Variants in TCF7L1 observed in about 807,000 individuals in gnomAD.
The protein encoded by TCF7L1 is transcription factor 7-like 1.
Under a neutral mutation model 63.7 loss-of-function variants are expected in TCF7L1, and 18 were observed. The observed-to-expected ratio is 0.28, with a 90% CI of 0.20 to 0.42. TCF7L1 has a LOEUF of 0.42. Ranked by LOEUF, TCF7L1 falls within the 10% of genes least tolerant of loss-of-function variation. The probability of loss-of-function intolerance (pLI) is 1.00; values close to 1 mark genes in which losing one functional copy is unlikely to be tolerated. For synonymous variants in TCF7L1, 355 were observed against 340.9 expected (o/e 1.04, Z -0.46); for missense variants, 654 against 779.3 (o/e 0.84, Z 1.91).
intron 3 of TCF7L1, among the ~76,000 whole-genome samples, chr2:85,187,975 A>C (rs1303323844): frequency 2.0e-5 from 3 of 152,220 alleles, no homozygotes; most frequent in Non-Finnish European, 4.4e-5. Flanking sequence ...TATTGATCAC[A>C]TGCAACAATA....
intron 3 of TCF7L1, among the ~76,000 whole-genome samples, chr2:85,192,596 T>A (rs953507909): frequency 2.6e-5 from 4 of 152,068 alleles, no homozygotes; most frequent in Admixed American, 6.6e-5. Context: ...TTGTTCAGGC[T>A]GGTCTCGAAC....
chr2:85,215,757 G>A (rs1679686028), intron 3 of TCF7L1, among the ~76,000 whole-genome samples: 1 of 147,724 alleles, frequency 6.8e-6, no homozygotes, highest in Non-Finnish European at 1.5e-5. Flanking sequence ...CAAGGCTGCT[G>A]GGGTGGGGGT....
intron 3 of TCF7L1, among the ~76,000 whole-genome samples, chr2:85,139,166 G>C (rs189386223): frequency 6.6e-6 from 1 of 152,018 alleles, no homozygotes; most frequent in Non-Finnish European, 1.5e-5. Flanking sequence ...GTGCCACCAC[G>C]CCCAGCCAAT....
rs147558077 is a variant in TCF7L1 at position 85,244,186 on chromosome 2, G to T, written c.442-39309G>T. Among the ~76,000 whole-genome samples, 74 of 152,254 alleles carry T rather than the reference G, an allele frequency of 4.9e-4. 1 individual carries two copies. The highest frequency in any genetic ancestry group is 3.4e-3 in the Middle Eastern group (1 of 294). On this transcript the variant is annotated intron_variant, in intron 3 of 11. Coordinates refer to ENST00000282111, the MANE Select transcript of TCF7L1 (RefSeq NM_031283.3). ...GCAGAGTGGGCAAGGCTGGGGGGCA[G>T]CACTGAAGGAGGCACAGTCAGAAAG...
chr2:85,176,102 G>T (rs1678672544), intron 3 of TCF7L1, among the ~76,000 whole-genome samples: 2 of 152,228 alleles, frequency 1.3e-5, no homozygotes, highest in Admixed American at 1.3e-4. Flanking sequence ...CATGGCAAGG[G>T]TGGAAACTGA....
intron 3 of TCF7L1, among the ~76,000 whole-genome samples, chr2:85,140,918 G>GAAC (rs532341702): frequency 7.4e-6 from 1 of 134,680 alleles, no homozygotes; most frequent in Non-Finnish European, 1.6e-5. Context: ...AGAGACAGAA[G>GAAC]AGAGAAAGAA....
intron 3 of TCF7L1, among the ~76,000 whole-genome samples, chr2:85,141,456 A>T (rs1677735172): frequency 6.6e-6 from 1 of 152,126 alleles, no homozygotes. Context: ...GGAACCCCAG[A>T]CCAGACTCCT....
At chr2:85,167,708 A>G (rs901460093) in intron 3 of TCF7L1, among the ~76,000 whole-genome samples, 2 of 152,286 alleles carry the variant, frequency 1.3e-5, no homozygotes, top group African/African-American at 4.8e-5. Context: ...TAAGAAAAAT[A>G]CAAAAATAAG....
chr2:85,134,258 C>G lies in TCF7L1; in HGVS notation c.314-65C>G. 6.7e-7 allele frequency: 1 copy of G among 1,493,158 alleles called. No homozygotes were observed. Among genetic ancestry groups the G allele is most frequent in the Admixed American group, 2.3e-5 (1 of 42,560 alleles). The allele number at this position is 1,493,158 out of a possible 1,614,324, so 92.5% of individuals were successfully genotyped here. On this transcript the variant is annotated intron_variant, in intron 2 of 11. Coordinates refer to ENST00000282111, the MANE Select transcript of TCF7L1 (RefSeq NM_031283.3). This position sits in a 1 kb window ranked among gnomAD's most constrained non-coding sequence, Gnocchi z 5.0. ...TGGGGTCCCCAGCTCCCGCCTCGAG[C>G]CCCCTGCCGCGGCGCTGTCAGTCCC... is the stretch of plus-strand genomic sequence containing the variant.
chr2:85,261,123 G>GGTGTGTGTGT lies in TCF7L1; in HGVS notation c.442-22332_442-22323dup, dbSNP rs3223762. Among the ~76,000 whole-genome samples, 61 of 106,770 alleles carry GGTGTGTGTGT rather than the reference G, an allele frequency of 5.7e-4. 1 individual carries two copies. Among genetic ancestry groups the GGTGTGTGTGT allele is most frequent in the African/African-American group, 9.3e-4 (29 of 31,162 alleles). The allele number at this position is 106,770 out of a possible 152,430, so 70.0% of individuals were successfully genotyped here. ...TTCAATTACTTCCTCAATTATTGCT[G>GGTGTGTGTGT]GTGTGTGTGTGTGTGTGTGTGTGTG... is the stretch of plus-strand genomic sequence containing the variant. On this transcript the variant is annotated intron_variant, in intron 3 of 11. Transcript: ENST00000282111.
intron 3 of TCF7L1, among the ~76,000 whole-genome samples, chr2:85,156,004 A>C (rs1332267101): frequency 6.6e-6 from 1 of 152,200 alleles, no homozygotes; most frequent in African/African-American, 2.4e-5. Flanking sequence ...TTAAAAACAA[A>C]TGTTAAAGAA....
intron 3 of TCF7L1, among the ~76,000 whole-genome samples, chr2:85,212,646 C>T (rs755104845): frequency 2.0e-5 from 3 of 152,150 alleles, no homozygotes; most frequent in Non-Finnish European, 4.4e-5. Flanking sequence ...GGAAAGTGTG[C>T]ACCGTGTCAA....
At chr2:85,168,912 C>T (rs1187539942) in intron 3 of TCF7L1, among the ~76,000 whole-genome samples, 3 of 152,092 alleles carry the variant, frequency 2.0e-5, no homozygotes, top group Non-Finnish European at 2.9e-5. Flanking sequence ...TGAAACACCG[C>T]ACCCAGTCTA....
chr2:85,207,771 C>T (rs144972690), intron 3 of TCF7L1, among the ~76,000 whole-genome samples: 3 of 152,204 alleles, frequency 2.0e-5, no homozygotes, highest in Non-Finnish European at 2.9e-5. Context: ...CAACAGATTA[C>T]ATTAGATATT....
intron 3 of TCF7L1, among the ~76,000 whole-genome samples, chr2:85,135,090 G>T (rs1231342512): frequency 6.6e-6 from 1 of 152,170 alleles, no homozygotes; most frequent in East Asian, 1.9e-4. Context: ...TAAAGCGAGC[G>T]CTGCGACACT....
intron 4 of TCF7L1, among the ~76,000 whole-genome samples, chr2:85,287,782 C>T (rs558888741): frequency 5.9e-5 from 9 of 152,218 alleles, no homozygotes; most frequent in African/African-American, 2.2e-4. Flanking sequence ...GAGGTGTGTA[C>T]GTGCAGGAGC....
At chr2:85,247,833 A>G (rs1015148818) in intron 3 of TCF7L1, among the ~76,000 whole-genome samples, 2 of 152,142 alleles carry the variant, frequency 1.3e-5, no homozygotes, top group Non-Finnish European at 2.9e-5. Context: ...TATTAAAATC[A>G]CCGTATTTAT....
intron 3 of TCF7L1, among the ~76,000 whole-genome samples, chr2:85,248,010 G>A (rs554840949): frequency 3.9e-5 from 6 of 152,076 alleles, no homozygotes; most frequent in Non-Finnish European, 7.4e-5. Context: ...GGTAGTGTTC[G>A]GTTCTGTTAG....
chr2:85,166,453 CA>C (rs1373885430), intron 3 of TCF7L1, among the ~76,000 whole-genome samples: 1 of 152,164 alleles, frequency 6.6e-6, no homozygotes, highest in Non-Finnish European at 1.5e-5. Flanking sequence ...GCCTCATAGG[CA>C]ATGAGGGGAC....
Sources: gnomAD v4.1 joint callset for allele counts (sites outside exome capture counted in the v4.1 genomes callset) on GRCh38, gnomAD v4.1.1 for gene constraint, Gnocchi (gnomAD v3.1) non-coding constraint, MANE v1.5 for transcripts, NCBI Gene and HGNC (gene_info 2026-07-23, HGNC 2026-07-21) for gene names.